Variants in DENND4C observed in about 807,000 individuals in gnomAD.
DENND4C encodes DENN domain containing 4C, also known as DENN domain-containing protein 4C.
DENND4C carries 108 observed loss-of-function variants against 203.0 expected under a neutral mutation model. The observed-to-expected ratio is 0.53, with a 90% confidence interval of 0.46 to 0.62. DENND4C has a LOEUF of 0.62. Ranked by LOEUF, DENND4C falls within the 20% of genes least tolerant of loss-of-function variation. The pLI is 0.00. For missense variants in DENND4C, 2,481 were observed against 2,301.2 expected (o/e 1.08, Z -1.60); for synonymous variants, 871 against 792.4 (o/e 1.10, Z -1.67).
chr9:19,306,062 A>G (rs1450212335), intron 10 of DENND4C, among the ~76,000 whole-genome samples: 1 of 152,216 alleles, frequency 6.6e-6, no homozygotes, highest in Non-Finnish European at 1.5e-5. Flanking sequence ...GCAGTGGTAC[A>G]GCTGAGGGTT....
At chr9:19,340,955 A>C in intron 20 of DENND4C, 37 bp from the exon 21 acceptor site, 1 of 1,543,544 alleles carries the variant, frequency 6.5e-7, no homozygotes, top group East Asian at 2.3e-5. Flanking sequence ...TAAGTATATG[A>C]AAACATTTAT....
chr9:19,282,715 CTT>C (rs1554717864), intron 2 of DENND4C, among the ~76,000 whole-genome samples: 2 of 86,632 alleles, frequency 2.3e-5, no homozygotes, highest in Non-Finnish European at 2.1e-5. Flanking sequence ...TTTCTTCTCT[CTT>C]TTTTTTTTTT....
intron 30 of DENND4C, among the ~76,000 whole-genome samples, chr9:19,365,451 A>G (rs1248364983): frequency 6.6e-6 from 1 of 152,172 alleles, no homozygotes; most frequent in African/African-American, 2.4e-5. Flanking sequence ...TACTCTTAAC[A>G]TACTTTCTCA....
rs1825583084 is a variant in DENND4C, at chr9:19,357,001, A to G, written c.4811A>G (p.Asp1604Gly). ...TTCCTGAAACCAAGTACCTCTGGTG[A>G]CAGTTTACAAAGTGGAAGCATTCCA... ...SFFLKPSTSG[D>G]SLQSGSIPLA... Residue 1604 changes from aspartate (D) to glycine (G), a missense_variant, in exon 27 of 33, where the codon GAC (aspartate) becomes GGC (glycine). By Grantham distance (94) the Asp-to-Gly change is moderately conservative. Coordinates refer to ENST00000434457, the MANE Select transcript of DENND4C (RefSeq NM_001330640.2). 2 of 1,613,764 alleles carry G rather than the reference A, an allele frequency of 1.2e-6. No individual in the cohort carries two copies. The highest frequency in any genetic ancestry group is 1.3e-5 in the African/African-American group (1 of 74,902).
intron 16 of DENND4C, among the ~76,000 whole-genome samples, chr9:19,329,044 A>G (rs1251629130): frequency 2.6e-5 from 4 of 152,180 alleles, no homozygotes; most frequent in African/African-American, 9.7e-5. Flanking sequence ...AGCAAAATTA[A>G]GTTTTAGAAA....
chr9:19,355,460 T>C (rs1477204450), intron 26 of DENND4C, among the ~76,000 whole-genome samples: 8 of 152,230 alleles, frequency 5.3e-5, no homozygotes. Context: ...TTCTACTTTT[T>C]ATATATGATG....
chr9:19,290,613 CG>C, intron 4 of DENND4C, 90 bp from the exon 5 acceptor site: 1 of 843,930 alleles, frequency 1.2e-6, no homozygotes, highest in African/African-American at 1.7e-5. Context: ...CCATGAAATT[CG>C]GCATTAAAAT....
At chr9:19,314,202 C>G (rs1409641290) in intron 10 of DENND4C, among the ~76,000 whole-genome samples, 1 of 152,102 alleles carries the variant, frequency 6.6e-6, no homozygotes, top group East Asian at 1.9e-4. Context: ...TGCCTGTAGC[C>G]CCAGCACCTT....
At chr9:19,288,510 A>G in intron 3 of DENND4C, 86 bp from the exon 4 acceptor site, 2 of 786,860 alleles carry the variant, frequency 2.5e-6, no homozygotes, top group Non-Finnish European at 3.4e-6. Flanking sequence ...TTCTGAGTAA[A>G]TAAATGAATC....
At chr9:19,286,482 T>G (rs1317555402) in intron 2 of DENND4C, among the ~76,000 whole-genome samples, 1 of 152,192 alleles carries the variant, frequency 6.6e-6, no homozygotes, top group Non-Finnish European at 1.5e-5. Context: ...TTTTCATATG[T>G]TTCTTATAAT....
intron 30 of DENND4C, among the ~76,000 whole-genome samples, chr9:19,366,796 A>G (rs7872044): frequency 0.059 from 8,926 of 152,272 alleles, 839 homozygotes; most frequent in African/African-American, 0.2. Flanking sequence ...CGTGTTAGTT[A>G]GGCAAGGCCT....
At chr9:19,369,216 C>A (rs1290881891) in intron 30 of DENND4C, among the ~76,000 whole-genome samples, 1 of 152,150 alleles carries the variant, frequency 6.6e-6, no homozygotes, top group East Asian at 1.9e-4. Flanking sequence ...CTAGACAACT[C>A]CTCTGTCATC....
chr9:19,249,213 T>A (rs1825969586), intron 1 of DENND4C, among the ~76,000 whole-genome samples: 2 of 152,186 alleles, frequency 1.3e-5, no homozygotes, highest in Admixed American at 6.5e-5. Context: ...AAAACGATGT[T>A]TGAGACCCTG....
chr9:19,268,711 T>C (rs765347498), intron 1 of DENND4C, among the ~76,000 whole-genome samples: 8 of 151,728 alleles, frequency 5.3e-5, no homozygotes, highest in Non-Finnish European at 1.2e-4. Flanking sequence ...ATACTGAAAA[T>C]ACAGGATAAA....
At chr9:19,237,194 G>T (rs1207635343) in intron 1 of DENND4C, among the ~76,000 whole-genome samples, 1 of 151,120 alleles carries the variant, frequency 6.6e-6, no homozygotes, top group Non-Finnish European at 1.5e-5. Context: ...CTAATTTTTT[G>T]TATTTTTAGT....
intron 1 of DENND4C, among the ~76,000 whole-genome samples, chr9:19,233,422 A>G (rs1357490269): frequency 6.6e-6 from 1 of 152,234 alleles, no homozygotes; most frequent in Non-Finnish European, 1.5e-5. Flanking sequence ...ATCAGATTGT[A>G]GGATATTCCA....
chr9:19,263,168 G>A (rs528449713), intron 1 of DENND4C, among the ~76,000 whole-genome samples: 14 of 152,202 alleles, frequency 9.2e-5, no homozygotes, highest in Middle Eastern at 6.8e-3. Context: ...TTTATCAAAT[G>A]CTTTTTCAAC....
chr9:19,262,425 A>T (rs1326472661), intron 1 of DENND4C, among the ~76,000 whole-genome samples: 3 of 143,616 alleles, frequency 2.1e-5, no homozygotes, highest in African/African-American at 7.8e-5. Context: ...TGGAGTCTTT[A>T]CATTTTTCCA....
intron 2 of DENND4C, among the ~76,000 whole-genome samples, chr9:19,282,177 C>T (rs1003511962): frequency 6.6e-6 from 1 of 151,574 alleles, no homozygotes; most frequent in African/African-American, 2.4e-5. Context: ...TACAGCTGTA[C>T]AAAAATATTT....
Sources: allele counts gnomAD v4.1 joint callset (sites outside exome capture counted in the v4.1 genomes callset), GRCh38; gene constraint gnomAD v4.1.1; transcripts MANE v1.5; gene names NCBI Gene and HGNC (gene_info 2026-07-23, HGNC 2026-07-21).